The following BMP7 variants were observed in gnomAD, a reference collection of about 807,000 sequenced individuals.
BMP7 encodes the protein bone morphogenetic protein 7.
A neutral mutation model predicts 41.2 loss-of-function variants in BMP7; 12 were observed. That is an observed-to-expected ratio of 0.29 (90% CI 0.19 to 0.47). The LOEUF (loss-of-function observed/expected upper bound fraction) is 0.47. Ranked by LOEUF, BMP7 falls within the 20% of genes least tolerant of loss-of-function variation. The probability of loss-of-function intolerance (pLI) is 0.99; values close to 1 mark genes in which losing one functional copy is unlikely to be tolerated. For missense variants in BMP7, 467 were observed against 606.0 expected, an observed-to-expected ratio of 0.77 and a Z score of 2.41; for synonymous variants, 248 against 250.0, an observed-to-expected ratio of 0.99 and a Z score of 0.07.
At chr20:57,206,324 C>G (rs1984730699) in intron 2 of BMP7, among the ~76,000 whole-genome samples, 1 of 152,116 alleles carries the variant, frequency 6.6e-6, no homozygotes, top group Non-Finnish European at 1.5e-5. Context: ...CTCTGAATCT[C>G]CCCGCCAGCC....
intron 1 of BMP7, among the ~76,000 whole-genome samples, chr20:57,264,361 T>G (rs1312253158): frequency 6.6e-6 from 1 of 152,230 alleles, no homozygotes; most frequent in Non-Finnish European, 1.5e-5. Context: ...GTTCGGGTTT[T>G]CGCAGCAAGT....
chr20:57,171,144 A>G lies in BMP7; in HGVS notation c.1147-36T>C, dbSNP rs748851200. 1.2e-6 allele frequency: 2 copies of G among 1,614,012 alleles called. No homozygotes were observed. Among genetic ancestry groups the G allele is most frequent in the South Asian group, 2.2e-5 (2 of 91,036 alleles). Reference sequence around the variant, plus strand: ...CACCAAAACATGGGCAGTGGTGAGAAGCGGTGAGTCGTTCTAACTGGCCTC... The same window carrying G: ...CACCAAAACATGGGCAGTGGTGAGAGGCGGTGAGTCGTTCTAACTGGCCTC... On this transcript the variant is annotated intron_variant, in intron 6 of 6. Transcript: ENST00000395863. This position sits in a 1 kb window ranked among gnomAD's most constrained non-coding sequence, Gnocchi z 4.5.
intron 1 of BMP7, among the ~76,000 whole-genome samples, chr20:57,250,737 T>C (rs916038856): frequency 2.0e-5 from 3 of 152,100 alleles, no homozygotes; most frequent in Admixed American, 1.3e-4. Flanking sequence ...ACCCAGCAGG[T>C]TGCCTGTGCC....
intron 3 of BMP7, among the ~76,000 whole-genome samples, chr20:57,194,559 C>G (rs1984449496): frequency 6.6e-6 from 1 of 152,106 alleles, no homozygotes. Flanking sequence ...TAGGGAAAAC[C>G]ATCAGTGTCC....
rs1984150004 is a variant in BMP7 at position 57,183,930 on chromosome 20, A to G, written c.761-11T>C. ...GGTTGATGCTCTGCCCTGGACAGGAAGCAGCCAAGTGCACAGAAGAGTAGT... is the reference window on the plus strand; with the variant it reads ...GGTTGATGCTCTGCCCTGGACAGGAGGCAGCCAAGTGCACAGAAGAGTAGT... On this transcript the variant is annotated splice_polypyrimidine_tract_variant and intron_variant, in intron 3 of 6. Coordinates refer to ENST00000395863, the MANE Select transcript of BMP7 (RefSeq NM_001719.3). The G allele has an allele frequency of 6.2e-7, 1 of 1,612,756 alleles. No individual in the cohort carries two copies. Among genetic ancestry groups the G allele is most frequent in the Non-Finnish European group, 8.5e-7 (1 of 1,179,996 alleles).
intron 3 of BMP7, chr20:57,187,024 T>C (rs1421153527): frequency 6.6e-6 from 1 of 152,202 alleles, no homozygotes; most frequent in Non-Finnish European, 1.5e-5. Flanking sequence ...ATGCCTGGCC[T>C]GAAAAGCTGA....
chr20:57,189,557 G>A (rs963697067), intron 3 of BMP7, among the ~76,000 whole-genome samples: 1 of 152,194 alleles, frequency 6.6e-6, no homozygotes, highest in Non-Finnish European at 1.5e-5. Flanking sequence ...GGACTGCACC[G>A]TCAATCCTGT....
intron 1 of BMP7, among the ~76,000 whole-genome samples, chr20:57,242,107 A>C (rs1308431796): frequency 6.6e-6 from 1 of 152,158 alleles, no homozygotes; most frequent in Non-Finnish European, 1.5e-5. Context: ...AGCTCATTGA[A>C]ATTGAGGGAA....
chr20:57,218,964 T>C (rs1424867557), intron 2 of BMP7, among the ~76,000 whole-genome samples: 1 of 150,132 alleles, frequency 6.7e-6, no homozygotes, highest in East Asian at 2.0e-4. Context: ...AGCTGGTGTT[T>C]GTTCAGTGAT....
At position 57,174,886 on chromosome 20, in the gene BMP7, A is replaced by G; in HGVS notation, c.1035+45T>C. On this transcript the variant is annotated intron_variant, in intron 5 of 6. Transcript: ENST00000395863. The surrounding 1 kb of genome is among the most constrained non-coding windows in gnomAD (Gnocchi z 4.3). ...CAGACCCGCTGCCTCGTGGGAGCCC[A>G]CGCCAGAGGGCCCACACCCAAGACA... 6.3e-7 allele frequency: 1 copy of G among 1,582,210 alleles called. No individual in the cohort carries two copies. Among genetic ancestry groups the G allele is most frequent in the Non-Finnish European group, 8.6e-7 (1 of 1,162,942 alleles).
In BMP7 at chr20:57,213,721, C is replaced by T. The variant is rs544246786; in HGVS notation, c.612-11098G>A. Among the ~76,000 whole-genome samples, 5 of 152,140 alleles carry T rather than the reference C, an allele frequency of 3.3e-5. No homozygotes were observed. Among genetic ancestry groups the T allele is most frequent in the East Asian group, 1.9e-4 (1 of 5,190 alleles). ...GTGATGAAATCCCCAGAGTGGTCCT[C>T]GGGTCCCACAGTGGGTGCTCAGGGA... is the stretch of plus-strand genomic sequence containing the variant. On this transcript the variant is annotated intron_variant, in intron 2 of 6. Coordinates refer to ENST00000395863, the MANE Select transcript of BMP7 (RefSeq NM_001719.3). The surrounding 1 kb of genome is among the most constrained non-coding windows in gnomAD (Gnocchi z 4.4).
At chr20:57,231,532 G>T (rs923702272) in intron 1 of BMP7, among the ~76,000 whole-genome samples, 1 of 152,202 alleles carries the variant, frequency 6.6e-6, no homozygotes, top group African/African-American at 2.4e-5. Context: ...GCACAGTCTT[G>T]GGACAACTCA....
chr20:57,233,056 C>T lies in BMP7; in HGVS notation c.419-4635G>A, dbSNP rs74938331. Among the ~76,000 whole-genome samples the T allele has an allele frequency of 9.3e-3, 1,414 of 152,246 alleles. 20 individuals carry two copies. Among genetic ancestry groups the T allele is most frequent in the African/African-American group, 0.032 (1,342 of 41,546 alleles). ...TTGTTACCACTACAAGAGGTAGAAG[C>T]TTGCATGTATTTTTCAGGTGAAAAT... On this transcript the variant is annotated intron_variant, in intron 1 of 6. Transcript: ENST00000395863.
intron 1 of BMP7, among the ~76,000 whole-genome samples, chr20:57,251,736 C>G (rs1030101314): frequency 6.6e-6 from 1 of 152,156 alleles, no homozygotes; most frequent in Non-Finnish European, 1.5e-5. Flanking sequence ...GACTTTGAGT[C>G]CAGCCTGGCC....
rs550915714 is a variant in BMP7, at chr20:57,266,196, G to T, written c.-74C>A. The T allele has an allele frequency of 2.2e-6, 3 of 1,363,094 alleles. No individual in the cohort carries two copies. The highest frequency in any genetic ancestry group is 2.8e-6 in the Non-Finnish European group (3 of 1,059,036). 84.4% of individuals were successfully genotyped at this position (1,363,094 alleles called of 1,614,324 possible). ...GCCCCAGGTGGCAGAGGGGGCAGGCGGCCGTCCGCGCCGCTCGGTCACTTG... is the reference window on the plus strand; with the variant it reads ...GCCCCAGGTGGCAGAGGGGGCAGGCTGCCGTCCGCGCCGCTCGGTCACTTG... On this transcript the variant is annotated 5_prime_UTR_variant, in exon 1 of 7. Coordinates refer to ENST00000395863, the MANE Select transcript of BMP7 (RefSeq NM_001719.3).
At position 57,183,724 on chromosome 20, in the gene BMP7, G is replaced by A; in HGVS notation, c.956C>T (p.Ala319Val). The A allele has an allele frequency of 6.2e-7, 1 of 1,613,958 alleles. No individual in the cohort carries two copies. The change falls in exon 4 of 7, where the codon GCA (alanine) becomes GTA (valine). Residue 319 changes from alanine (A) to valine (V), a missense_variant and splice_region_variant. Physicochemically the swap from Ala to Val is moderately conservative, Grantham distance 64 (BLOSUM62 0). This residue lies in a region of BMP7 where 407 missense variants were observed against 485.9 expected (regional missense o/e 0.84). Transcript: ENST00000395863. ...NQEALRMANV[A>V]ENSSSDQRQA... ...TGATCCCTCCCACCTAAGCATACCT[G>A]CCACGTTGGCCATCCGCAGGGCTTC... is the stretch of plus-strand genomic sequence containing the variant.
chr20:57,252,043 C>G (rs913186274), intron 1 of BMP7, among the ~76,000 whole-genome samples: 2 of 152,188 alleles, frequency 1.3e-5, no homozygotes, highest in African/African-American at 4.8e-5. Flanking sequence ...CCATGAAGAG[C>G]CAGACAGAAA....
chr20:57,258,169 C>CTAA (rs1568732202), intron 1 of BMP7, among the ~76,000 whole-genome samples: 1 of 152,176 alleles, frequency 6.6e-6, no homozygotes, highest in African/African-American at 2.4e-5. Context: ...GCAGGGAAAC[C>CTAA]TAATACTTGG....
At chr20:57,205,089 C>G (rs1341675140) in intron 2 of BMP7, among the ~76,000 whole-genome samples, 2 of 152,198 alleles carry the variant, frequency 1.3e-5, no homozygotes, top group African/African-American at 4.8e-5. Flanking sequence ...CTGCCAGCGC[C>G]TAGATCTTGG....
Sources: allele counts gnomAD v4.1 joint callset (sites outside exome capture counted in the v4.1 genomes callset), GRCh38; gene constraint gnomAD v4.1.1; regional missense constraint gnomAD v4.1.1; non-coding constraint Gnocchi (gnomAD v3.1); transcripts MANE v1.5; gene names NCBI Gene and HGNC (gene_info 2026-07-23, HGNC 2026-07-21).